The following VPS28 variants were observed in gnomAD, a reference collection of about 807,000 sequenced individuals.
VPS28 encodes VPS28 subunit of ESCRT-I.
VPS28 carries 29 observed loss-of-function variants against 33.7 expected under a neutral mutation model. The observed-to-expected ratio is 0.86, with a 90% CI of 0.64 to 1.17. VPS28 has a LOEUF of 1.17. VPS28 is among the 50% of genes most tolerant of loss of function. The pLI is 0.00. For missense variants in VPS28, 247 were observed against 312.2 expected (o/e 0.79, Z 1.57); for synonymous variants, 164 against 116.7 (o/e 1.40, Z -2.61).
intron 1 of VPS28, among the ~76,000 whole-genome samples, chr8:144,427,886 G>T (rs1554877278): frequency 6.6e-6 from 1 of 152,192 alleles, no homozygotes; most frequent in Non-Finnish European, 1.5e-5. Flanking sequence ...AATGGGCCGG[G>T]CAGTAAGATA....
chr8:144,425,330 C>T (rs1822658421), intron 5 of VPS28: 5 of 575,988 alleles, frequency 8.7e-6, no homozygotes, highest in South Asian at 6.1e-5. Flanking sequence ...GCCGCATCCA[C>T]AGCTCATGGT....
At position 144,426,957 on chromosome 8, in the gene VPS28, T is replaced by C. The variant is rs1564720923; in HGVS notation, c.-12A>G. 4 of 1,605,870 alleles carry C rather than the reference T, an allele frequency of 2.5e-6. No homozygotes were observed. Among genetic ancestry groups the C allele is most frequent in the Non-Finnish European group, 3.4e-6 (4 of 1,175,690 alleles). ...ATCCCATGAAACATCCTCTAGGCTC[T>C]GGGGGGGGCACAGCACTGAGACCTG... On this transcript the variant is annotated 5_prime_UTR_variant, in exon 2 of 10. Coordinates refer to ENST00000292510, the MANE Select transcript of VPS28 (RefSeq NM_016208.4).
At position 144,428,129 on chromosome 8, in the gene VPS28, G is replaced by C. The variant is rs551628842; in HGVS notation, c.-35+360C>G. Among the ~76,000 whole-genome samples the C allele has an allele frequency of 3.3e-5, 5 of 152,294 alleles. No individual in the cohort carries two copies. The South Asian group carries it at 1.0e-3, about 32-fold the overall frequency. On this transcript the variant is annotated intron_variant, in intron 1 of 9. Transcript: ENST00000292510. ...CGCTCATGTAGGTAGGGAACGTCTG[G>C]GTCAAGCTCTCCGAGGGTCGAGGCC...
At chr8:144,427,729 C>T (rs1464679102) in intron 1 of VPS28, among the ~76,000 whole-genome samples, 1 of 152,190 alleles carries the variant, frequency 6.6e-6, no homozygotes, top group Non-Finnish European at 1.5e-5. Context: ...ACAATGGGAG[C>T]GGGGCCCGTG....
intron 4 of VPS28, 92 bp from the exon 5 acceptor site, chr8:144,425,864 G>A (rs1217086307): frequency 2.5e-6 from 4 of 1,581,174 alleles, no homozygotes; most frequent in African/African-American, 2.7e-5. Context: ...CACTGCGGGC[G>A]CTCTGCCCAC....
intron 6 of VPS28, 21 bp downstream of exon 6, chr8:144,424,925 G>A (rs879945963): frequency 6.2e-7 from 1 of 1,600,910 alleles, no homozygotes; most frequent in South Asian, 1.1e-5. Context: ...CCCCATGGGG[G>A]TGGAAGGACC....
At chr8:144,426,366 T>C in intron 2 of VPS28, 158 bp from the exon 3 acceptor site, 1 of 957,146 alleles carries the variant, frequency 1.0e-6, no homozygotes, top group Non-Finnish European at 1.5e-6. Flanking sequence ...ACCTCACCCC[T>C]ATCAGTGTGT....
chr8:144,425,506 G>C, intron 5 of VPS28, 177 bp downstream of exon 5: 2 of 632,294 alleles, frequency 3.2e-6, no homozygotes, highest in South Asian at 4.0e-5. Context: ...GCCTCTGCCC[G>C]CCTCCCTCAC....
At chr8:144,428,407 A>C (rs545345674) in intron 1 of VPS28, 82 bp downstream of exon 1, 7 of 152,358 alleles carry the variant, frequency 4.6e-5, no homozygotes, top group Non-Finnish European at 1.0e-4. Flanking sequence ...GCCGGGGCCT[A>C]GGCGCGCCCA....
intron 4 of VPS28, 42 bp downstream of exon 4, chr8:144,425,984 T>G: frequency 6.8e-7 from 1 of 1,473,798 alleles, no homozygotes; most frequent in Non-Finnish European, 9.0e-7. Flanking sequence ...GGCAGCCAGA[T>G]GCGCATGGGT....
rs375530187 is a variant in VPS28, at chr8:144,424,939, C to A, written c.300+7G>T. The A allele has an allele frequency of 2.0e-5, 32 of 1,589,064 alleles. No individual in the cohort carries two copies. The highest frequency in any genetic ancestry group is 2.7e-5 in the Non-Finnish European group (31 of 1,167,110). On this transcript the variant is annotated splice_region_variant and intron_variant, in intron 6 of 9. Transcript: ENST00000292510. ...GCCCCATGGGGGTGGAAGGACCAGG[C>A]ACTCACGCGGAACTTGCGGCAGAAT...
chr8:144,426,844 C>T (rs1254165944), intron 2 of VPS28, 65 bp downstream of exon 2: 1 of 1,588,678 alleles, frequency 6.3e-7, no homozygotes, highest in Non-Finnish European at 8.6e-7. Flanking sequence ...ATCCCCAATA[C>T]CCAATACTGC....
chr8:144,424,479 C>G, intron 7 of VPS28: 1 of 809,740 alleles, frequency 1.2e-6, no homozygotes, highest in Non-Finnish European at 1.9e-6. Flanking sequence ...CCCACACTCT[C>G]TCCCGAGGCC....
chr8:144,424,922 G>A (rs782533101), intron 6 of VPS28, 24 bp downstream of exon 6: 6 of 1,601,970 alleles, frequency 3.7e-6, no homozygotes, highest in Non-Finnish European at 5.1e-6. Context: ...TCGCCCCATG[G>A]GGGTGGAAGG....
intron 6 of VPS28, 60 bp downstream of exon 6, chr8:144,424,886 G>C: frequency 6.2e-7 from 1 of 1,611,624 alleles, no homozygotes; most frequent in Non-Finnish European, 8.5e-7. Flanking sequence ...GAGCCCTCTG[G>C]CACCCCATAC....
At chr8:144,424,006 C>A in intron 9 of VPS28, 35 bp downstream of exon 9, 1 of 1,602,330 alleles carries the variant, frequency 6.2e-7, no homozygotes, top group East Asian at 2.2e-5. Context: ...GTCTCGGGCA[C>A]TGCGGGGCTC....
Position 144,423,723 on chromosome 8 carries a change from A to C in VPS28, c.*82T>G, listed in dbSNP as rs1217689041. ...CTGCAGACAGTGAGTTGTGTGGATG[A>C]CCACGGCCTGTGTGGCGGACAGGGG... On this transcript the variant is annotated 3_prime_UTR_variant, in exon 10 of 10. Coordinates refer to ENST00000292510, the MANE Select transcript of VPS28 (RefSeq NM_016208.4). 3 of 1,559,504 alleles carry C rather than the reference A, an allele frequency of 1.9e-6. No homozygotes were observed. In the Admixed American group the frequency reaches 5.2e-5, roughly 27 times the overall value.
In VPS28 at chr8:144,425,747, C is replaced by A. The variant is rs781970551; in HGVS notation, c.130G>T (p.Ala44Ser). 1.2e-6 allele frequency: 2 copies of A among 1,613,946 alleles called. No homozygotes were observed. The highest frequency in any genetic ancestry group is 3.3e-5 in the Admixed American group (2 of 60,018). ...EKYDNMAELF[A>S]VVKTMQALEK... is the part of the protein sequence containing the mutation. ...AGGGCTTGCATTGTCTTCACCACCG[C>A]AAACAGCTCTGCCATGTTGTCGTAC... The change falls in exon 5 of 10, where the codon GCG (alanine) becomes TCG (serine). Residue 44 changes from alanine (A) to serine (S), a missense_variant. Ala to Ser is a moderately conservative substitution (Grantham distance 99, BLOSUM62 1). This residue lies in a region of VPS28 where 149 missense variants were observed against 172.8 expected (regional missense o/e 0.86). Coordinates refer to ENST00000292510, the MANE Select transcript of VPS28 (RefSeq NM_016208.4).
Position 144,425,764 on chromosome 8 carries a change from T to C in VPS28, c.113A>G (p.Asn38Ser), listed in dbSNP as rs782761747. The part of the protein sequence containing the change: ...KNAREREKYD[N>S]MAELFAVVKT... ...CACCACCGCAAACAGCTCTGCCATGTTGTCGTACCTGAGGACACACCTGTC... is the reference window on the plus strand; with the variant it reads ...CACCACCGCAAACAGCTCTGCCATGCTGTCGTACCTGAGGACACACCTGTC... Residue 38 changes from asparagine (N) to serine (S), a missense_variant, in exon 5 of 10, where the codon AAC becomes AGC. Coordinates refer to ENST00000292510, the MANE Select transcript of VPS28 (RefSeq NM_016208.4). The C allele has an allele frequency of 2.5e-6, 4 of 1,613,882 alleles. No homozygotes were observed. The highest frequency in any genetic ancestry group is 1.7e-5 in the Admixed American group (1 of 60,016).
Sources: allele counts gnomAD v4.1 joint callset (sites outside exome capture counted in the v4.1 genomes callset), GRCh38; gene constraint gnomAD v4.1.1; regional missense constraint gnomAD v4.1.1; transcripts MANE v1.5; gene names NCBI Gene and HGNC (gene_info 2026-07-23, HGNC 2026-07-21).